FARS2: variants seen among roughly 807,000 people sequenced by gnomAD.
The protein encoded by FARS2 is phenylalanine--tRNA ligase, mitochondrial.
In FARS2, 40 loss-of-function variants were observed where a neutral mutation model predicts 46.4. That is an observed-to-expected ratio of 0.86 (90% CI 0.67 to 1.12). FARS2 has a LOEUF of 1.12. Among genes scored for constraint, FARS2 ranks in the 50% most tolerant of loss-of-function variants. FARS2 has a pLI of 0.00. For missense variants in FARS2, 513 were observed against 567.9 expected (o/e 0.90, Z 0.98); for synonymous variants, 234 against 214.9 (o/e 1.09, Z -0.78).
chr6:5,494,126 C>T (rs116882191), intron 4 of FARS2, among the ~76,000 whole-genome samples: 196 of 131,012 alleles, frequency 1.5e-3, no homozygotes, highest in African/African-American at 2.3e-3. Context: ...TTTTTTTTTT[C>T]TTTTTTTTTT....
At chr6:5,539,569 A>T (rs1205749960) in intron 4 of FARS2, among the ~76,000 whole-genome samples, 2 of 151,794 alleles carry the variant, frequency 1.3e-5, no homozygotes, top group Admixed American at 6.6e-5. Context: ...GCTCTAGAAC[A>T]TCTGACTTTT....
chr6:5,730,893 G>A (rs978544201), intron 6 of FARS2, among the ~76,000 whole-genome samples: 1 of 152,160 alleles, frequency 6.6e-6, no homozygotes, highest in African/African-American at 2.4e-5. Context: ...TGGTCTTTTA[G>A]AGATGAGGCA....
chr6:5,705,146 G>A (rs1758662636), intron 6 of FARS2, among the ~76,000 whole-genome samples: 1 of 152,116 alleles, frequency 6.6e-6, no homozygotes, highest in African/African-American at 2.4e-5. Context: ...CCAAAATTGT[G>A]GCAGTACCAT....
In FARS2 at chr6:5,630,272, T is replaced by C. The variant is rs75667419; in HGVS notation, c.1217+16952T>C. Among the ~76,000 whole-genome samples the C allele has an allele frequency of 0.02, 3,078 of 152,162 alleles. 117 individuals are homozygous for C. Among genetic ancestry groups the C allele is most frequent in the African/African-American group, 0.067 (2,794 of 41,486 alleles). On this transcript the variant is annotated intron_variant, in intron 6 of 6. Transcript: ENST00000274680. This position sits in a 1 kb window ranked among gnomAD's most constrained non-coding sequence, Gnocchi z 4.2. ...GAGCAGAGGCTGGGAATGAAAGCCA[T>C]TGGAAGGTACAGTCTCTTGCAGGAG...
chr6:5,655,023 T>C (rs934367112), intron 6 of FARS2, among the ~76,000 whole-genome samples: 16 of 152,240 alleles, frequency 1.1e-4, no homozygotes, highest in African/African-American at 3.6e-4. Flanking sequence ...ACATACAAAA[T>C]ATGTGTTAAC....
chr6:5,373,812 A>C (rs529865476), intron 2 of FARS2, among the ~76,000 whole-genome samples: 2 of 152,004 alleles, frequency 1.3e-5, no homozygotes, highest in Non-Finnish European at 2.9e-5. Flanking sequence ...AAAGGACCCA[A>C]TTTCTTCAAA....
chr6:5,581,307 A>G (rs1773313512), intron 5 of FARS2, among the ~76,000 whole-genome samples: 1 of 152,260 alleles, frequency 6.6e-6, no homozygotes, highest in South Asian at 2.1e-4. Flanking sequence ...AGTTAAAAAC[A>G]AAACCCACGC....
intron 1 of FARS2, among the ~76,000 whole-genome samples, chr6:5,264,099 T>A (rs887659807): frequency 6.6e-6 from 1 of 151,626 alleles, no homozygotes; most frequent in Non-Finnish European, 1.5e-5. Flanking sequence ...ATACAAAAAT[T>A]AACTGGGTGT....
At chr6:5,736,432 G>A (rs1760954718) in intron 6 of FARS2, among the ~76,000 whole-genome samples, 1 of 152,180 alleles carries the variant, frequency 6.6e-6, no homozygotes, top group South Asian at 2.1e-4. Context: ...GCCACCACAG[G>A]TGGCACATTC....
At chr6:5,694,017 G>T (rs1757940927) in intron 6 of FARS2, among the ~76,000 whole-genome samples, 1 of 152,194 alleles carries the variant, frequency 6.6e-6, no homozygotes, top group Admixed American at 6.5e-5. Context: ...CATAGCCTGC[G>T]CCTCTCAAAG....
chr6:5,440,952 C>G (rs1763810927), intron 4 of FARS2, among the ~76,000 whole-genome samples: 1 of 148,194 alleles, frequency 6.7e-6, no homozygotes, highest in Non-Finnish European at 1.5e-5. Flanking sequence ...GACAGAGTCT[C>G]TCTCTGTTGC....
chr6:5,447,887 G>A (rs558856707), intron 4 of FARS2, among the ~76,000 whole-genome samples: 9 of 152,330 alleles, frequency 5.9e-5, no homozygotes, highest in African/African-American at 2.2e-4. Flanking sequence ...ATGGTATCAG[G>A]CTTGGAGGCA....
chr6:5,433,176 T>G (rs1763324725), intron 4 of FARS2, among the ~76,000 whole-genome samples: 1 of 152,034 alleles, frequency 6.6e-6, no homozygotes, highest in Admixed American at 6.5e-5. Context: ...TTAACAGCTG[T>G]GTCTCTTTAG....
rs560921594 is a variant in FARS2 at position 5,406,127 on chromosome 6, T to C, written c.772+1426T>C. Among the ~76,000 whole-genome samples the C allele has an allele frequency of 1.5e-3, 224 of 152,334 alleles. 2 individuals carry two copies. The Middle Eastern group carries it at 0.034, about 23-fold the overall frequency. ...AATTGTGACTATCTTTAAGAAATACTTACATTTCTTATCTGAGAAGACAGA... is the reference window on the plus strand; with the variant it reads ...AATTGTGACTATCTTTAAGAAATACCTACATTTCTTATCTGAGAAGACAGA... On this transcript the variant is annotated intron_variant, in intron 3 of 6. Coordinates refer to ENST00000274680, the MANE Select transcript of FARS2 (RefSeq NM_006567.5).
intron 4 of FARS2, among the ~76,000 whole-genome samples, chr6:5,544,065 T>C (rs967821414): frequency 2.0e-5 from 3 of 152,140 alleles, no homozygotes; most frequent in Admixed American, 6.5e-5. Context: ...GCTGGGGTGC[T>C]ATCATCAGCT....
At chr6:5,532,634 C>T (rs1354755708) in intron 4 of FARS2, among the ~76,000 whole-genome samples, 2 of 152,074 alleles carry the variant, frequency 1.3e-5, no homozygotes, top group African/African-American at 4.8e-5. Context: ...ACCTGTAATC[C>T]CAGCTACTCG....
chr6:5,539,408 T>TATATA lies in FARS2; in HGVS notation c.905-5772_905-5771insATATA, dbSNP rs68137910. 1.5e-3 allele frequency among the ~76,000 whole-genome samples: 145 copies of TATATA among 93,952 alleles called. 5 individuals carry two copies. Among genetic ancestry groups the TATATA allele is most frequent in the South Asian group, 3.9e-3 (12 of 3,106 alleles). 61.6% of individuals were successfully genotyped at this position (93,952 alleles called of 152,430 possible). ...TGTATATATATATATATGTATATAT[T>TATATA]TTTTTAGTAGAGACGGGGTTTCACC... is the stretch of plus-strand genomic sequence containing the variant. On this transcript the variant is annotated intron_variant, in intron 4 of 6. Transcript: ENST00000274680.
At chr6:5,700,215 T>C (rs1398611418) in intron 6 of FARS2, among the ~76,000 whole-genome samples, 1 of 152,208 alleles carries the variant, frequency 6.6e-6, no homozygotes, top group Admixed American at 6.5e-5. Context: ...GTTTTCCTTA[T>C]TAGTAAAATG....
intron 6 of FARS2, among the ~76,000 whole-genome samples, chr6:5,617,345 A>T (rs917288338): frequency 6.6e-6 from 1 of 152,102 alleles, no homozygotes; most frequent in Non-Finnish European, 1.5e-5. Flanking sequence ...TTTATAGACT[A>T]TTTTTTTGGA....
Sources: allele counts gnomAD v4.1 joint callset (sites outside exome capture counted in the v4.1 genomes callset), GRCh38; gene constraint gnomAD v4.1.1; non-coding constraint Gnocchi (gnomAD v3.1); transcripts MANE v1.5; gene names NCBI Gene and HGNC (gene_info 2026-07-23, HGNC 2026-07-21).